The following ZNF324B variants were observed in gnomAD, a reference collection of about 807,000 sequenced individuals.
ZNF324B encodes zinc finger protein 324B.
In ZNF324B, 7 loss-of-function variants were observed where a neutral mutation model predicts 10.6. The ratio of observed to expected loss-of-function variants is 0.66; its 90% CI spans 0.38 to 1.24. ZNF324B has a LOEUF of 1.24. ZNF324B is among the 50% of genes most tolerant of loss of function. The pLI is 0.02. For synonymous variants in ZNF324B, 316 were observed against 321.0 expected (o/e 0.98, Z 0.17); for missense variants, 640 against 764.7 (o/e 0.84, Z 1.92).
chr19:58,455,921 C>T lies in ZNF324B; in HGVS notation c.977C>T (p.Ser326Phe), dbSNP rs2052914526. ...PVCGKAFRHS[S>F]SLVRHQRIHT... ...TGCGGCAAGGCCTTCCGGCATAGCT[C>T]CTCGCTGGTGCGGCACCAGCGCATC... Residue 326 changes from serine (S) to phenylalanine (F), a missense_variant, in exon 4 of 4, where the codon TCC (serine) becomes TTC (phenylalanine). Around this residue, in one of 3 missense-constraint regions of ZNF324B, gnomAD observed 57 missense variants for 118.8 expected, o/e 0.48. Transcript: ENST00000336614. The surrounding 1 kb of genome is among the most constrained non-coding windows in gnomAD (Gnocchi z 7.0). The T allele has an allele frequency of 6.2e-7, 1 of 1,601,572 alleles. No homozygotes were observed. The highest frequency in any genetic ancestry group is 8.5e-7 in the Non-Finnish European group (1 of 1,172,110).
At chr19:58,434,697 G>A in the ZNF324B span, 6 of 1,614,180 alleles carry the variant, frequency 3.7e-6, no homozygotes, top group East Asian at 1.3e-4. Flanking sequence ...TGGGGAGAGT[G>A]GAGCTCTTCA....
upstream of ZNF324B, among the ~76,000 whole-genome samples, chr19:58,448,411 T>C (rs2052836977): frequency 6.6e-6 from 1 of 152,178 alleles, no homozygotes; most frequent in African/African-American, 2.4e-5. Context: ...TTGTGGAACT[T>C]TGGATTTGAG....
the ZNF324B span, chr19:58,434,170 T>C: frequency 6.2e-7 from 1 of 1,614,234 alleles, no homozygotes; most frequent in African/African-American, 1.3e-5. Flanking sequence ...TTCTCCAGTG[T>C]GAACTCTCCA....
At chr19:58,427,634 C>G in the ZNF324B span, among the ~76,000 whole-genome samples, 3 of 150,946 alleles carry the variant, frequency 2.0e-5, no homozygotes, top group East Asian at 5.9e-4. Flanking sequence ...GGATTACATG[C>G]GTGAGCTACC....
At chr19:58,453,253 C>CG in intron 1 of ZNF324B, 1 of 228,396 alleles carries the variant, frequency 4.4e-6, no homozygotes, top group Non-Finnish European at 8.8e-6. Context: ...GGATGAGCAG[C>CG]CTGGAAATGT....
the ZNF324B span, chr19:58,440,025 A>T: frequency 6.9e-6 from 4 of 579,066 alleles, no homozygotes; most frequent in East Asian, 1.3e-4. Flanking sequence ...ATAAAAGCAG[A>T]GTAATTAGCC....
chr19:58,434,042 A>G, the ZNF324B span: 2 of 1,614,154 alleles, frequency 1.2e-6, no homozygotes, highest in African/African-American at 2.7e-5. Flanking sequence ...CTTTGGCTGA[A>G]GTCTCTTCCA....
the ZNF324B span, among the ~76,000 whole-genome samples, chr19:58,427,307 C>CTTTT: frequency 1.5e-5 from 1 of 65,948 alleles, no homozygotes; most frequent in East Asian, 3.3e-4. Context: ...TTCTTTCTTT[C>CTTTT]TTTCTTTCTT....
chr19:58,445,985 A>G, the ZNF324B span: 6 of 156,054 alleles, frequency 3.8e-5, no homozygotes, highest in African/African-American at 1.4e-4. Flanking sequence ...AAACAGAAAA[A>G]TTAGCCGGGC....
chr19:58,441,212 A>C, the ZNF324B span: 1 of 152,308 alleles, frequency 6.6e-6, no homozygotes, highest in Non-Finnish European at 1.5e-5. Flanking sequence ...TGTTGAACAG[A>C]AAAGGGATGG....
chr19:58,437,501 CCTG>C, the ZNF324B span, among the ~76,000 whole-genome samples: 61 of 152,288 alleles, frequency 4.0e-4, no homozygotes, highest in African/African-American at 1.3e-3. Context: ...CCTCCTCCCT[CCTG>C]CTGGCCAATT....
At chr19:58,434,638 C>G in the ZNF324B span, 1 of 1,614,186 alleles carries the variant, frequency 6.2e-7, no homozygotes, top group Admixed American at 1.7e-5. Context: ...GAAATTTCCA[C>G]CTGTTGGGCA....
upstream of ZNF324B, among the ~76,000 whole-genome samples, chr19:58,450,182 A>G (rs2122332780): frequency 6.6e-6 from 1 of 152,230 alleles, no homozygotes; most frequent in South Asian, 2.1e-4. Context: ...GCCATGTAAG[A>G]CGTGCCTTTC....
the ZNF324B span, chr19:58,445,502 C>G: frequency 4.2e-4 from 218 of 518,812 alleles, no homozygotes; most frequent in African/African-American, 3.9e-3. Context: ...AAAGTCTTCA[C>G]CTCCCTTATT....
At chr19:58,446,942 CCTTTT>C (rs1166449992), upstream of ZNF324B, among the ~76,000 whole-genome samples, 12 of 151,136 alleles carry the variant, frequency 7.9e-5, no homozygotes, top group Admixed American at 7.9e-4. Context: ...GCTTTCCTTT[CCTTTT>C]CTTTCTTTTC....
At chr19:58,447,035 G>A (rs2052831316), upstream of ZNF324B, among the ~76,000 whole-genome samples, 1 of 151,518 alleles carries the variant, frequency 6.6e-6, no homozygotes, top group South Asian at 2.1e-4. Flanking sequence ...GAGTGCAGTG[G>A]CATGATCTCA....
chr19:58,454,376 G>T, intron 3 of ZNF324B, 32 bp downstream of exon 3: 2 of 1,445,334 alleles, frequency 1.4e-6, no homozygotes, highest in South Asian at 1.1e-5. Context: ...GTGAACTAAG[G>T]ACCAACCTGT....
chr19:58,456,333 C>A lies in ZNF324B; in HGVS notation c.1389C>A (p.Ala463=). 6.2e-7 allele frequency: 1 copy of A among 1,612,658 alleles called. No homozygotes were observed. The highest frequency in any genetic ancestry group is 8.5e-7 in the Non-Finnish European group (1 of 1,179,860). The part of the protein sequence containing the change: ...FRCVDCGKGF[A]KGAVLLSHRR... ...GCGTGGACTGTGGCAAGGGTTTCGC[C>A]AAGGGCGCCGTGCTGCTCAGCCACC... is the stretch of plus-strand genomic sequence containing the variant. Residue 463 remains alanine (A), a synonymous_variant, in exon 4 of 4, where the codon GCC becomes GCA. Transcript: ENST00000336614. The surrounding 1 kb of genome is among the most constrained non-coding windows in gnomAD (Gnocchi z 4.7).
At chr19:58,434,956 T>G in the ZNF324B span, 7 of 1,614,062 alleles carry the variant, frequency 4.3e-6, no homozygotes, top group Non-Finnish European at 5.9e-6. Context: ...TCCACTGTGC[T>G]CCTTCTGGTG....
Sources: gnomAD v4.1 joint callset for allele counts (sites outside exome capture counted in the v4.1 genomes callset) on GRCh38, gnomAD v4.1.1 for gene constraint, gnomAD v4.1.1 regional missense constraint, Gnocchi (gnomAD v3.1) non-coding constraint, MANE v1.5 for transcripts, NCBI Gene and HGNC (gene_info 2026-07-23, HGNC 2026-07-21) for gene names.